LARP6: variants seen among roughly 807,000 people sequenced by gnomAD.
LARP6 encodes the protein la-related protein 6.
A neutral mutation model predicts 32.8 loss-of-function variants in LARP6; 18 were observed. The observed-to-expected ratio is 0.55, with a 90% CI of 0.38 to 0.81. LARP6 has a LOEUF of 0.81. Among genes scored for constraint, LARP6 ranks in the 40% least tolerant of loss-of-function variants. The pLI is 0.00. For synonymous variants in LARP6, 289 were observed against 267.2 expected (o/e 1.08, Z -0.80); for missense variants, 598 against 663.1 (o/e 0.90, Z 1.08).
chr15:70,844,514 C>T (rs1347207489), intron 1 of LARP6, among the ~76,000 whole-genome samples: 3 of 152,098 alleles, frequency 2.0e-5, no homozygotes, highest in African/African-American at 7.2e-5. Flanking sequence ...AGTTGAAAGT[C>T]AATCAGTTGT....
chr15:70,833,225 T>C (rs1595949725), intron 2 of LARP6, 109 bp from the exon 3 acceptor site: 1 of 813,144 alleles, frequency 1.2e-6, no homozygotes, highest in East Asian at 2.5e-5. Flanking sequence ...CTAGAATCCC[T>C]GTATTCTAGT....
chr15:70,842,909 T>C (rs949125752), intron 1 of LARP6, among the ~76,000 whole-genome samples: 2 of 152,210 alleles, frequency 1.3e-5, no homozygotes, highest in Non-Finnish European at 2.9e-5. Context: ...AAGGGGGATC[T>C]TGGGGGAGTT....
chr15:70,840,488 C>T (rs1364851698), intron 1 of LARP6, among the ~76,000 whole-genome samples: 1 of 152,056 alleles, frequency 6.6e-6, no homozygotes, highest in Non-Finnish European at 1.5e-5. Context: ...TGCAGTGAGC[C>T]GGGATCGCGC....
intron 1 of LARP6, chr15:70,851,793 C>A (rs2032465947): frequency 6.3e-7 from 1 of 1,597,258 alleles, no homozygotes; most frequent in Admixed American, 1.7e-5. Flanking sequence ...AGTACTACAG[C>A]AACAGAGAAG....
At chr15:70,837,813 T>C (rs1199741299) in intron 1 of LARP6, among the ~76,000 whole-genome samples, 1 of 152,172 alleles carries the variant, frequency 6.6e-6, no homozygotes, top group East Asian at 1.9e-4. Context: ...GCTTTAGAGT[T>C]AAGATTGCCT....
intron 1 of LARP6, chr15:70,851,335 C>T: frequency 1.7e-5 from 9 of 521,322 alleles, no homozygotes; most frequent in African/African-American, 3.9e-5. Flanking sequence ...TTCATATTTT[C>T]TTTATGTTTG....
At position 70,830,364 on chromosome 15, in the gene LARP6, T is replaced by A. The variant is rs147103294; in HGVS notation, c.*1688A>T. ...GTGATACTGGCATAATAATTCCTTA[T>A]GATGGACACTGAGAGTAAGTGAAAT... On this transcript the variant is annotated 3_prime_UTR_variant, in exon 3 of 3. Transcript: ENST00000299213. 2.8e-4 allele frequency: 42 copies of A among 152,394 alleles called. No homozygotes were observed. The East Asian group carries it at 7.9e-3, about 29-fold the overall frequency. The allele number at this position is 152,394 out of a possible 1,614,324, so 9.4% of individuals were successfully genotyped here.
chr15:70,840,228 C>T (rs576840011), intron 1 of LARP6, among the ~76,000 whole-genome samples: 1 of 152,266 alleles, frequency 6.6e-6, no homozygotes, highest in African/African-American at 2.4e-5. Context: ...AAGTTTATCG[C>T]CTAAATAGTA....
chr15:70,847,925 A>C (rs2032376524), intron 1 of LARP6, among the ~76,000 whole-genome samples: 1 of 151,994 alleles, frequency 6.6e-6, no homozygotes, highest in Non-Finnish European at 1.5e-5. Context: ...GGTGGACACC[A>C]ATAAGGAAGG....
chr15:70,833,937 T>C (rs2032101240), intron 2 of LARP6, among the ~76,000 whole-genome samples: 1 of 152,186 alleles, frequency 6.6e-6, no homozygotes, highest in Admixed American at 6.5e-5. Context: ...TGTTGCAGTA[T>C]ATGGAAGCTA....
At chr15:70,838,763 G>A (rs2032195189) in intron 1 of LARP6, among the ~76,000 whole-genome samples, 1 of 152,112 alleles carries the variant, frequency 6.6e-6, no homozygotes, top group Non-Finnish European at 1.5e-5. Context: ...TTAGCAGAAA[G>A]TTGCAGGTAG....
In LARP6 at chr15:70,832,921, G is replaced by A. The variant is rs961095862; in HGVS notation, c.607C>T (p.Pro203Ser). ...LSPKLWALAT[P>S]QKNGRVQEKV... ...TCTTGCACCCTTCCATTCTTCTGGGGGGTGGCCAGAGCCCACAGCTTAGGA... is the reference window on the plus strand; with the variant it reads ...TCTTGCACCCTTCCATTCTTCTGGGAGGTGGCCAGAGCCCACAGCTTAGGA... Residue 203 changes from proline (P) to serine (S), a missense_variant, in exon 3 of 3, where the codon CCC becomes TCC. Physicochemically the swap from Pro to Ser is moderately conservative, Grantham distance 74 (BLOSUM62 -1). Coordinates refer to ENST00000299213, the MANE Select transcript of LARP6 (RefSeq NM_018357.4). 1 of 1,602,390 alleles carries A rather than the reference G, an allele frequency of 6.2e-7. No individual in the cohort carries two copies. The highest frequency in any genetic ancestry group is 1.7e-5 in the Admixed American group (1 of 58,302).
intron 1 of LARP6, among the ~76,000 whole-genome samples, chr15:70,850,954 A>G (rs894963069): frequency 6.6e-6 from 1 of 152,348 alleles, no homozygotes; most frequent in Admixed American, 6.5e-5. Context: ...AGATTAATAG[A>G]GTCTAGAGAC....
chr15:70,838,539 A>G (rs1006093855), intron 1 of LARP6, among the ~76,000 whole-genome samples: 14 of 152,098 alleles, frequency 9.2e-5, no homozygotes, highest in Non-Finnish European at 1.8e-4. Flanking sequence ...GTCTCTTCTT[A>G]ATAAAGCCCA....
At chr15:70,843,518 CT>C (rs1263494190) in intron 1 of LARP6, among the ~76,000 whole-genome samples, 1 of 152,104 alleles carries the variant, frequency 6.6e-6, no homozygotes, top group Admixed American at 6.6e-5. Flanking sequence ...CGTAGTCATT[CT>C]CTATTCATGT....
intron 1 of LARP6, among the ~76,000 whole-genome samples, chr15:70,844,120 C>A (rs1464674943): frequency 2.0e-5 from 3 of 151,314 alleles, no homozygotes; most frequent in African/African-American, 7.3e-5. Context: ...CCCCACCCAG[C>A]TAATTTTTGT....
chr15:70,838,909 T>TCA lies in LARP6; in HGVS notation c.201-2406_201-2405dup, dbSNP rs201526204. Among the ~76,000 whole-genome samples, 149 of 45,132 alleles carry TCA rather than the reference T, an allele frequency of 3.3e-3. 1 individual carries two copies. Among genetic ancestry groups the TCA allele is most frequent in the Middle Eastern group, 0.024 (1 of 42 alleles). The allele number at this position is 45,132 out of a possible 152,430, so 29.6% of individuals were successfully genotyped here. On this transcript the variant is annotated intron_variant, in intron 1 of 2. Coordinates refer to ENST00000299213, the MANE Select transcript of LARP6 (RefSeq NM_018357.4). ...ACAAAATTTTCACTGGCTCTCAGCC[T>TCA]CACAAAAAAAAAAAAAAAGAAAAGA...
chr15:70,849,507 G>A (rs1008452891), intron 1 of LARP6: 3 of 152,118 alleles, frequency 2.0e-5, no homozygotes, highest in Non-Finnish European at 4.4e-5. Context: ...TTTCTTACTG[G>A]TATTTGAAAA....
chr15:70,835,871 C>G (rs1463182156), intron 2 of LARP6, among the ~76,000 whole-genome samples: 1 of 152,188 alleles, frequency 6.6e-6, no homozygotes, highest in East Asian at 1.9e-4. Context: ...TCTGAGAGTT[C>G]TGGGTGCTCA....
Sources: allele counts gnomAD v4.1 joint callset (sites outside exome capture counted in the v4.1 genomes callset), GRCh38; gene constraint gnomAD v4.1.1; transcripts MANE v1.5; gene names NCBI Gene and HGNC (gene_info 2026-07-23, HGNC 2026-07-21).